The following CPQ variants were observed in gnomAD, a reference collection of about 807,000 sequenced individuals.
The protein encoded by CPQ is Ser-Met dipeptidase.
Under a neutral mutation model 45.7 loss-of-function variants are expected in CPQ, and 37 were observed. The ratio of observed to expected loss-of-function variants is 0.81; its 90% confidence interval spans 0.62 to 1.07. CPQ has a LOEUF of 1.07. CPQ is among the 50% of genes least tolerant of loss of function. CPQ has a pLI of 0.00. For missense variants in CPQ, 537 were observed against 572.9 expected (o/e 0.94, Z 0.64); for synonymous variants, 186 against 205.8 (o/e 0.90, Z 0.82).
At chr8:97,031,068 A>G (rs1809893854) in intron 6 of CPQ, among the ~76,000 whole-genome samples, 1 of 152,162 alleles carries the variant, frequency 6.6e-6, no homozygotes, top group African/African-American at 2.4e-5. Flanking sequence ...CATATGAATC[A>G]TATTTAGACG....
At chr8:96,717,921 C>T (rs1414844503) in intron 1 of CPQ, among the ~76,000 whole-genome samples, 1 of 152,084 alleles carries the variant, frequency 6.6e-6, no homozygotes, top group East Asian at 1.9e-4. Flanking sequence ...GACAGTAAGC[C>T]CTACTTAGCT....
At chr8:97,037,284 A>G (rs1452230475) in intron 6 of CPQ, among the ~76,000 whole-genome samples, 1 of 152,186 alleles carries the variant, frequency 6.6e-6, no homozygotes, top group Non-Finnish European at 1.5e-5. Flanking sequence ...TACTAACTCT[A>G]TTTCCTCTAT....
chr8:96,926,561 TTCCTCTTCCTCTTCC>T (rs1271658188), intron 4 of CPQ, among the ~76,000 whole-genome samples: 7 of 114,110 alleles, frequency 6.1e-5, no homozygotes, highest in South Asian at 2.7e-4. Flanking sequence ...CCTCTTCCTC[TTCCTCTTCCTCTTCC>T]TCTTCTTCTT....
At chr8:97,138,927 A>T (rs1812107715) in intron 7 of CPQ, among the ~76,000 whole-genome samples, 2 of 152,138 alleles carry the variant, frequency 1.3e-5, no homozygotes, top group Admixed American at 1.3e-4. Flanking sequence ...AGGGAAAAAA[A>T]TCAACCCAAA....
chr8:97,078,675 T>C (rs1031783127), intron 7 of CPQ, among the ~76,000 whole-genome samples: 1 of 152,154 alleles, frequency 6.6e-6, no homozygotes, highest in Non-Finnish European at 1.5e-5. Context: ...GTAGTTCTTT[T>C]TGTTTTTAGT....
chr8:96,802,250 G>A (rs1811015198), intron 2 of CPQ, among the ~76,000 whole-genome samples: 1 of 152,122 alleles, frequency 6.6e-6, no homozygotes, highest in Non-Finnish European at 1.5e-5. Context: ...TAGTGCTCTA[G>A]AATTAATTAG....
intron 1 of CPQ, among the ~76,000 whole-genome samples, chr8:96,740,172 C>G (rs1321722919): frequency 6.6e-6 from 1 of 151,954 alleles, no homozygotes; most frequent in Non-Finnish European, 1.5e-5. Context: ...TGAAGAGGTC[C>G]TTCACATCCC....
intron 1 of CPQ, among the ~76,000 whole-genome samples, chr8:96,654,541 C>G (rs1286130861): frequency 6.6e-6 from 1 of 150,498 alleles, no homozygotes; most frequent in Non-Finnish European, 1.5e-5. Flanking sequence ...CTTATGATCC[C>G]CTAATCTAGA....
intron 5 of CPQ, among the ~76,000 whole-genome samples, chr8:96,968,858 T>C (rs1813615904): frequency 6.6e-6 from 1 of 152,256 alleles, no homozygotes; most frequent in Non-Finnish European, 1.5e-5. Context: ...TATTTGTGCT[T>C]TGTAAATATA....
At chr8:96,795,601 T>G (rs898407733) in intron 2 of CPQ, among the ~76,000 whole-genome samples, 10 of 152,232 alleles carry the variant, frequency 6.6e-5, no homozygotes, top group African/African-American at 2.4e-4. Flanking sequence ...TTATATATCA[T>G]GAACATTTAC....
At chr8:97,043,157 A>G (rs1261485545) in intron 6 of CPQ, among the ~76,000 whole-genome samples, 1 of 152,142 alleles carries the variant, frequency 6.6e-6, no homozygotes, top group African/African-American at 2.4e-5. Context: ...TTGCTTTATG[A>G]ATCTGGGTGC....
chr8:96,782,192 C>T (rs1810695902), intron 1 of CPQ, among the ~76,000 whole-genome samples: 1 of 152,306 alleles, frequency 6.6e-6, no homozygotes, highest in East Asian at 1.9e-4. Context: ...CAGATTTCTA[C>T]CTGGATCCCC....
At position 96,773,912 on chromosome 8, in the gene CPQ, A is replaced by G. The variant is rs1406195763; in HGVS notation, c.-34-10952A>G. On this transcript the variant is annotated intron_variant, in intron 1 of 7. Transcript: ENST00000220763. ...AAGGCTGTTAATCCCAGGCATGAGG[A>G]CAAAGCCCTCATGACTTAATTATCT... 4.6e-5 allele frequency among the ~76,000 whole-genome samples: 7 copies of G among 152,228 alleles called. 1 individual carries two copies. In the East Asian group the frequency reaches 1.4e-3, roughly 29 times the overall value.
At chr8:97,056,561 C>G (rs1257846130) in intron 6 of CPQ, 1 of 152,190 alleles carries the variant, frequency 6.6e-6, no homozygotes, top group Non-Finnish European at 1.5e-5. Flanking sequence ...AAATTTGGTG[C>G]TCACTAATGG....
chr8:96,905,823 G>T (rs1812569260), intron 4 of CPQ, among the ~76,000 whole-genome samples: 1 of 143,592 alleles, frequency 7.0e-6, no homozygotes, highest in Non-Finnish European at 1.5e-5. Flanking sequence ...TGAGTTCCTA[G>T]AAGCCAGGTT....
At chr8:97,069,459 C>T (rs11997950) in intron 7 of CPQ, among the ~76,000 whole-genome samples, 2,951 of 149,838 alleles carry the variant, frequency 0.02, 93 homozygotes, top group African/African-American at 0.068. Flanking sequence ...AGCAAGACCC[C>T]CATCTGTCTC....
chr8:96,910,028 T>C (rs1266957586), intron 4 of CPQ, among the ~76,000 whole-genome samples: 2 of 152,174 alleles, frequency 1.3e-5, no homozygotes, highest in East Asian at 3.9e-4. Context: ...CACCATGGAC[T>C]TTGAGTCCTC....
chr8:96,970,753 C>G (rs1456823317), intron 5 of CPQ, among the ~76,000 whole-genome samples: 1 of 152,016 alleles, frequency 6.6e-6, no homozygotes, highest in Non-Finnish European at 1.5e-5. Context: ...TTAGTAGAGA[C>G]GGGGTTTCAC....
chr8:96,841,439 ACTC>A (rs1243335509), intron 3 of CPQ, among the ~76,000 whole-genome samples: 2 of 152,164 alleles, frequency 1.3e-5, no homozygotes, highest in Non-Finnish European at 2.9e-5. Flanking sequence ...TCAAAAGGTA[ACTC>A]TACTGAGGCC....
Sources: gnomAD v4.1 joint callset for allele counts (sites outside exome capture counted in the v4.1 genomes callset) on GRCh38, gnomAD v4.1.1 for gene constraint, MANE v1.5 for transcripts, NCBI Gene and HGNC (gene_info 2026-07-23, HGNC 2026-07-21) for gene names.